TXLNB: variants seen among roughly 807,000 people sequenced by gnomAD.
TXLNB encodes the protein beta-taxilin.
Under a neutral mutation model 57.4 loss-of-function variants are expected in TXLNB, and 37 were observed. That is an observed-to-expected ratio of 0.64 (90% CI 0.50 to 0.85). TXLNB has a LOEUF of 0.85. Among genes scored for constraint, TXLNB ranks in the 40% least tolerant of loss-of-function variants. The pLI, the probability that TXLNB is intolerant of heterozygous loss-of-function variation, is 0.00. For missense variants in TXLNB, 848 were observed against 825.6 expected (o/e 1.03, Z -0.33); for synonymous variants, 302 against 309.6 (o/e 0.98, Z 0.26).
chr6:139,225,651 G>T, the TXLNB span, among the ~76,000 whole-genome samples: 261 of 152,056 alleles, frequency 1.7e-3, 7 homozygotes, highest in South Asian at 0.043. Context: ...AATATACAAT[G>T]TTACTGAAAA....
At chr6:139,214,948 A>T in the TXLNB span, among the ~76,000 whole-genome samples, 1 of 152,118 alleles carries the variant, frequency 6.6e-6, no homozygotes, top group Non-Finnish European at 1.5e-5. Context: ...TCAAGGAGAA[A>T]TACAAACCAC....
intron 7 of TXLNB, among the ~76,000 whole-genome samples, chr6:139,250,357 CTTTTTTTTTT>C (rs61441759): frequency 4.2e-5 from 5 of 118,892 alleles, no homozygotes; most frequent in Non-Finnish European, 8.6e-5. Context: ...TTCTTTCTTT[CTTTTTTTTTT>C]TTTTTTTTCA....
At chr6:139,200,781 G>A in the TXLNB span, among the ~76,000 whole-genome samples, 3 of 152,104 alleles carry the variant, frequency 2.0e-5, no homozygotes, top group Admixed American at 2.0e-4. Flanking sequence ...ATGACCTAGT[G>A]TTTCAATTCC....
the TXLNB span, among the ~76,000 whole-genome samples, chr6:139,299,477 A>G: frequency 6.6e-6 from 1 of 152,240 alleles, no homozygotes; most frequent in Non-Finnish European, 1.5e-5. Context: ...TGAAGTCCTC[A>G]GGCCACCCAT....
At chr6:139,304,043 A>T in the TXLNB span, among the ~76,000 whole-genome samples, 1 of 152,164 alleles carries the variant, frequency 6.6e-6, no homozygotes, top group South Asian at 2.1e-4. Context: ...AACTACCACT[A>T]GTCAAAGTTG....
At chr6:139,200,708 C>A in the TXLNB span, among the ~76,000 whole-genome samples, 2 of 152,100 alleles carry the variant, frequency 1.3e-5, no homozygotes, top group Admixed American at 6.6e-5. Flanking sequence ...TTTCTATTTT[C>A]TTTCACTTCC....
At chr6:139,254,123 ATTC>A (rs1251744147) in intron 7 of TXLNB, among the ~76,000 whole-genome samples, 3 of 152,184 alleles carry the variant, frequency 2.0e-5, no homozygotes, top group African/African-American at 2.4e-5. Context: ...TATTAAGACA[ATTC>A]TTCTTTATTA....
At chr6:139,162,910 C>T in the TXLNB span, among the ~76,000 whole-genome samples, 8 of 152,132 alleles carry the variant, frequency 5.3e-5, no homozygotes, top group Admixed American at 2.6e-4. Flanking sequence ...TAAGGCTCAG[C>T]CTCTGCTGTC....
At chr6:139,217,503 C>G in the TXLNB span, among the ~76,000 whole-genome samples, 7 of 152,104 alleles carry the variant, frequency 4.6e-5, no homozygotes, top group South Asian at 1.5e-3. Context: ...TAGTAAAATA[C>G]CAGACACTTT....
chr6:139,184,490 T>C, the TXLNB span, among the ~76,000 whole-genome samples: 1 of 152,238 alleles, frequency 6.6e-6, no homozygotes, highest in Non-Finnish European at 1.5e-5. Context: ...TCAATAGTTG[T>C]GTCTTCACCT....
chr6:139,287,178 T>A (rs1777197699), intron 2 of TXLNB: 1 of 152,660 alleles, frequency 6.6e-6, no homozygotes, highest in Non-Finnish European at 1.5e-5. Context: ...CAGCTGCACA[T>A]GACTTTACCT....
At chr6:139,282,105 T>G (rs1777066979) in intron 2 of TXLNB, among the ~76,000 whole-genome samples, 1 of 150,240 alleles carries the variant, frequency 6.7e-6, no homozygotes, top group African/African-American at 2.5e-5. Context: ...CTTATTCCTC[T>G]TTCCCTTGAA....
At chr6:139,237,109 A>G (rs760803502), downstream of TXLNB, among the ~76,000 whole-genome samples, 1 of 152,182 alleles carries the variant, frequency 6.6e-6, no homozygotes, top group Non-Finnish European at 1.5e-5. Flanking sequence ...TGTTCTTAAT[A>G]GTCTTACGGT....
chr6:139,194,485 C>G, the TXLNB span, among the ~76,000 whole-genome samples: 1 of 152,200 alleles, frequency 6.6e-6, no homozygotes, highest in African/African-American at 2.4e-5. Context: ...ATTGCTTAGA[C>G]CAGAATTCTT....
At chr6:139,244,566 G>T in intron 9 of TXLNB, 29 bp downstream of exon 9, 1 of 1,419,580 alleles carries the variant, frequency 7.0e-7, no homozygotes, top group Non-Finnish European at 1.0e-6. Context: ...AGACAGAGGG[G>T]ATTAAAGCTA....
At chr6:139,314,986 C>T in the TXLNB span, among the ~76,000 whole-genome samples, 6 of 152,086 alleles carry the variant, frequency 3.9e-5, no homozygotes, top group Non-Finnish European at 7.4e-5. Context: ...GAAATTACAA[C>T]GTAGGGGTCA....
the TXLNB span, among the ~76,000 whole-genome samples, chr6:139,167,996 A>T: frequency 1.3e-5 from 2 of 152,198 alleles, no homozygotes; most frequent in African/African-American, 4.8e-5. Context: ...TAAAGATGAG[A>T]CACATCACAT....
chr6:139,235,131 A>G (rs1775821734), downstream of TXLNB, among the ~76,000 whole-genome samples: 1 of 152,164 alleles, frequency 6.6e-6, no homozygotes, highest in South Asian at 2.1e-4. Flanking sequence ...GCCTGTGCCC[A>G]CAGACCTAGG....
chr6:139,209,202 GACAA>G, the TXLNB span, among the ~76,000 whole-genome samples: 1 of 151,910 alleles, frequency 6.6e-6, no homozygotes, highest in Non-Finnish European at 1.5e-5. Context: ...AGCTGTAAAA[GACAA>G]ACAAACAAAC....
Sources: gnomAD v4.1 joint callset for allele counts (sites outside exome capture counted in the v4.1 genomes callset) on GRCh38, gnomAD v4.1.1 for gene constraint, MANE v1.5 for transcripts, NCBI Gene and HGNC (gene_info 2026-07-23, HGNC 2026-07-21) for gene names.